The following PRDM1 variants were observed in gnomAD, a reference collection of about 807,000 sequenced individuals.
PRDM1 encodes PR domain zinc finger protein 1.
PRDM1 carries 13 observed loss-of-function variants against 62.8 expected under a neutral mutation model. That is an observed-to-expected ratio of 0.21 (90% CI 0.13 to 0.33). The LOEUF (loss-of-function observed/expected upper bound fraction) is 0.33. PRDM1 is among the 10% of genes least tolerant of loss of function. PRDM1 has a pLI of 1.00. For synonymous variants in PRDM1, 396 were observed against 417.6 expected (o/e 0.95, Z 0.63); for missense variants, 895 against 1,058.8 (o/e 0.85, Z 2.15).
Position 106,086,479 on chromosome 6 carries a change from C to T in PRDM1, c.-75C>T, listed in dbSNP as rs1049781041. ...AGCGAGGAGGGACCGCCGAGGTGCG[C>T]GTCTGTGCGGCTCAGCCTGGCGGGG... On this transcript the variant is annotated 5_prime_UTR_variant, in exon 1 of 7. Coordinates refer to ENST00000369096, the MANE Select transcript of PRDM1 (RefSeq NM_001198.4). 29 of 1,438,312 alleles carry T rather than the reference C, an allele frequency of 2.0e-5. No individual in the cohort carries two copies. The highest frequency in any genetic ancestry group is 2.6e-5 in the Non-Finnish European group (27 of 1,050,464). The allele number at this position is 1,438,312 out of a possible 1,614,324, so 89.1% of individuals were successfully genotyped here.
At chr6:106,053,672 G>A (rs1773216628) in intron 1 of PRDM1, among the ~76,000 whole-genome samples, 1 of 152,080 alleles carries the variant, frequency 6.6e-6, no homozygotes, top group Admixed American at 6.6e-5. Flanking sequence ...CTCTAAGGAG[G>A]CTCACTTGCT....
At chr6:106,018,674 G>T (rs1297329470) in intron 1 of PRDM1, among the ~76,000 whole-genome samples, 2 of 151,982 alleles carry the variant, frequency 1.3e-5, no homozygotes, top group Non-Finnish European at 2.9e-5. Context: ...AATATGATTA[G>T]TCTGGGGTTA....
Position 106,106,034 on chromosome 6 carries a change from G to A in PRDM1, c.1773+101G>A, listed in dbSNP as rs1774476607. 1.8e-5 allele frequency: 26 copies of A among 1,481,714 alleles called. No individual in the cohort carries two copies. The highest frequency in any genetic ancestry group is 2.3e-5 in the Non-Finnish European group (26 of 1,111,228). The allele number at this position is 1,481,714 out of a possible 1,614,324, so 91.8% of individuals were successfully genotyped here. A position where few individuals can be genotyped will look rare whatever the true frequency, so the allele number is the denominator to read the frequency against. ...GTATCGATTGCATTTGCAGTAGTAT[G>A]AGCCCCCGGTTGGGGATAGTGGGTA... On this transcript the variant is annotated intron_variant, in intron 5 of 6. Coordinates refer to ENST00000369096, the MANE Select transcript of PRDM1 (RefSeq NM_001198.4). The surrounding 1 kb of genome is among the most constrained non-coding windows in gnomAD (Gnocchi z 4.4).
In PRDM1 at chr6:106,108,822, AGT is replaced by A. The variant is rs1401868867; in HGVS notation, c.*1341_*1342del. On this transcript the variant is annotated 3_prime_UTR_variant, in exon 7 of 7. Coordinates refer to ENST00000369096, the MANE Select transcript of PRDM1 (RefSeq NM_001198.4). The stretch of plus-strand genomic sequence containing the variant: ...TTGTTCAACAACAGTTACCTCATTG[AGT>A]GTGTCCAGTAGTGCAGGAAATGATG... 4.3e-6 allele frequency: 1 copy of A among 232,490 alleles called. No homozygotes were observed. The highest frequency in any genetic ancestry group is 2.2e-5 in the African/African-American group (1 of 45,196). The allele number at this position is 232,490 out of a possible 1,614,324, so 14.4% of individuals were successfully genotyped here. A position where few individuals can be genotyped will look rare whatever the true frequency, so the allele number is the denominator to read the frequency against.
At chr6:106,098,686 G>C in intron 3 of PRDM1, 1 of 1,366,124 alleles carries the variant, frequency 7.3e-7, no homozygotes, top group Non-Finnish European at 9.7e-7. Flanking sequence ...GGCAGGTGAA[G>C]TTCACCTTTG....
At chr6:106,038,480 C>T (rs1049706315) in intron 1 of PRDM1, among the ~76,000 whole-genome samples, 2 of 152,074 alleles carry the variant, frequency 1.3e-5, no homozygotes, top group Admixed American at 6.5e-5. Flanking sequence ...TAATGTCTGG[C>T]TCCCAAAAGG....
At chr6:106,082,410 G>A (rs543808419), upstream of PRDM1, among the ~76,000 whole-genome samples, 1 of 152,282 alleles carries the variant, frequency 6.6e-6, no homozygotes, top group South Asian at 2.1e-4. Flanking sequence ...GAAATGATTA[G>A]TATTGCTATT....
Position 106,105,327 on chromosome 6 carries a change from C to T in PRDM1, c.1167C>T (p.Tyr389=). 1 of 1,612,848 alleles carries T rather than the reference C, an allele frequency of 6.2e-7. No individual in the cohort carries two copies. Among genetic ancestry groups the T allele is most frequent in the Middle Eastern group, 1.7e-4 (1 of 6,056 alleles). Residue 389 remains tyrosine (Y), a synonymous_variant, in exon 5 of 7, where the codon TAC becomes TAT. Coordinates refer to ENST00000369096, the MANE Select transcript of PRDM1 (RefSeq NM_001198.4). The part of the protein sequence containing the change: ...ASYGTEGLGS[Y]PGYAPLPHLP... ...ACGGCACGGAAGGTTTGGGCTCCTA[C>T]CCTGGCTACGCACCCCTGCCCCACC...
At chr6:106,015,636 G>A (rs575928848) in intron 1 of PRDM1, among the ~76,000 whole-genome samples, 1 of 152,182 alleles carries the variant, frequency 6.6e-6, no homozygotes, top group South Asian at 2.1e-4. Flanking sequence ...GACCGAGGGT[G>A]GGACTTCTCC....
intron 1 of PRDM1, among the ~76,000 whole-genome samples, chr6:106,030,544 T>G (rs1772826607): frequency 6.6e-6 from 1 of 152,096 alleles, no homozygotes; most frequent in Non-Finnish European, 1.5e-5. Context: ...TATTATTCTT[T>G]AATGGTTTAT....
chr6:106,092,218 TCTC>T (rs1773984532), intron 2 of PRDM1, among the ~76,000 whole-genome samples: 1 of 150,502 alleles, frequency 6.6e-6, no homozygotes. Context: ...AGCTGTCAAA[TCTC>T]CTTCATTGTG....
chr6:106,085,359 T>C (rs1773771855), upstream of PRDM1, among the ~76,000 whole-genome samples: 1 of 152,184 alleles, frequency 6.6e-6, no homozygotes, highest in Admixed American at 6.5e-5. Flanking sequence ...TGAAATGGGG[T>C]GTTTGCTATA....
intron 1 of PRDM1, among the ~76,000 whole-genome samples, chr6:106,078,597 C>T (rs373599504): frequency 1.3e-5 from 2 of 152,196 alleles, no homozygotes; most frequent in Admixed American, 6.5e-5. Context: ...CATGGCTGGG[C>T]GCAGTGGCTC....
At position 106,105,722 on chromosome 6, in the gene PRDM1, C is replaced by T. The variant is rs2114657478; in HGVS notation, c.1562C>T (p.Thr521Ile). The T allele has an allele frequency of 6.2e-7, 1 of 1,613,574 alleles. No homozygotes were observed. The highest frequency in any genetic ancestry group is 8.5e-7 in the Non-Finnish European group (1 of 1,179,776). ...ACAAGCGGGTCTCCCACGGCGGGAA[C>T]AGCCGCCACGGCAGAACATGTGGTG... ...SPTSGSPTAG[T>I]AATAEHVVQP... The change falls in exon 5 of 7, where the codon ACA becomes ATA. Residue 521 changes from threonine (T) to isoleucine (I), a missense_variant. Thr to Ile is a moderately conservative substitution (Grantham distance 89). This residue lies in a region of PRDM1 where 444 missense variants were observed against 422.7 expected (regional missense o/e 1.05). Transcript: ENST00000369096.
At chr6:106,079,213 C>T (rs903048863) in intron 1 of PRDM1, among the ~76,000 whole-genome samples, 1 of 152,066 alleles carries the variant, frequency 6.6e-6, no homozygotes, top group Admixed American at 6.5e-5. Flanking sequence ...GATCCACCCA[C>T]CTTGGCCTCC....
chr6:106,032,325 A>ATT (rs71006666), intron 1 of PRDM1, among the ~76,000 whole-genome samples: 108 of 144,098 alleles, frequency 7.5e-4, no homozygotes, highest in African/African-American at 9.2e-4. Context: ...CACCCAGCTA[A>ATT]TTTTTTTTTT....
At chr6:106,078,983 C>T (rs774988353) in intron 1 of PRDM1, among the ~76,000 whole-genome samples, 2 of 151,576 alleles carry the variant, frequency 1.3e-5, no homozygotes, top group Non-Finnish European at 2.9e-5. Context: ...TATTTTCAGA[C>T]AGAGTCTTAC....
intron 3 of PRDM1, among the ~76,000 whole-genome samples, chr6:106,097,795 AGAGTACAAGAGC>A (rs1485773082): frequency 6.6e-6 from 1 of 152,246 alleles, no homozygotes; most frequent in African/African-American, 2.4e-5. Flanking sequence ...GCACCAGCGA[AGAGTACAAGAGC>A]GATGGAACCC....
At chr6:106,012,267 C>T (rs1275544190) in intron 1 of PRDM1, among the ~76,000 whole-genome samples, 2 of 146,036 alleles carry the variant, frequency 1.4e-5, no homozygotes, top group African/African-American at 5.1e-5. Context: ...CACAACCCTC[C>T]ACATTCACAC....
Sources: gnomAD v4.1 joint callset for allele counts (sites outside exome capture counted in the v4.1 genomes callset) on GRCh38, gnomAD v4.1.1 for gene constraint, gnomAD v4.1.1 regional missense constraint, Gnocchi (gnomAD v3.1) non-coding constraint, MANE v1.5 for transcripts, NCBI Gene and HGNC (gene_info 2026-07-23, HGNC 2026-07-21) for gene names.